Variants in GNG7 observed in about 807,000 individuals in gnomAD.
GNG7 encodes G protein subunit gamma 7, also known as guanine nucleotide-binding protein G(I)/G(S)/G(O) subunit gamma-7.
GNG7 carries 1 observed loss-of-function variant against 4.0 expected under a neutral mutation model. That is an observed-to-expected ratio of 0.25 (90% confidence interval 0.09 to 1.18). The LOEUF is 1.18. Among genes scored for constraint, GNG7 ranks in the 50% most tolerant of loss-of-function variants. GNG7 has a pLI of 0.50. For missense variants in GNG7, 86 were observed against 91.9 expected (o/e 0.94, Z 0.26); for synonymous variants, 34 against 36.9 (o/e 0.92, Z 0.29).
intron 3 of GNG7, among the ~76,000 whole-genome samples, chr19:2,529,721 C>T (rs1978524949): frequency 6.6e-6 from 1 of 152,188 alleles, no homozygotes; most frequent in Non-Finnish European, 1.5e-5. Context: ...TGAGTTGCAT[C>T]AGCCTCTTGC....
In GNG7 at chr19:2,512,361, A is replaced by G; in HGVS notation, c.*2661T>C. ...CACTGAAGTCTACTCAAGAAAAAAA[A>G]AAGTGGAGAATTTTTTTTTTAATCC... On this transcript the variant is annotated 3_prime_UTR_variant, in exon 5 of 5. Coordinates refer to ENST00000382159, the MANE Select transcript of GNG7 (RefSeq NM_052847.3). The surrounding 1 kb of genome is among the most constrained non-coding windows in gnomAD (Gnocchi z 4.7). 1.0e-6 allele frequency: 1 copy of G among 985,684 alleles called. No individual in the cohort carries two copies. The allele number at this position is 985,684 out of a possible 1,614,324, so 61.1% of individuals were successfully genotyped here.
At chr19:2,569,762 A>G (rs1024116300) in intron 2 of GNG7, among the ~76,000 whole-genome samples, 1 of 152,162 alleles carries the variant, frequency 6.6e-6, no homozygotes, top group Non-Finnish European at 1.5e-5. Context: ...GAGCATCCCC[A>G]TCGGGACAAC....
At chr19:2,638,515 G>A (rs1360340360) in intron 2 of GNG7, among the ~76,000 whole-genome samples, 2 of 24,518 alleles carry the variant, frequency 8.2e-5, no homozygotes, top group East Asian at 2.7e-3. Flanking sequence ...GAAGGGGAGG[G>A]GAGGGGAAGG....
In GNG7 at chr19:2,602,151, A is replaced by G. The variant is rs371171965; in HGVS notation, c.-78+44073T>C. 2.0e-5 allele frequency among the ~76,000 whole-genome samples: 3 copies of G among 152,184 alleles called. No homozygotes were observed. In the East Asian group the frequency reaches 5.8e-4, roughly 30 times the overall value. The stretch of plus-strand genomic sequence containing the variant: ...CAGGAGTTCGAGACCAGCCTGGCCA[A>G]CATGGTGAAACCCCGTCTCTACTAA... On this transcript the variant is annotated intron_variant, in intron 2 of 4. Transcript: ENST00000382159.
rs560465539 is a variant in GNG7 at position 2,541,657 on chromosome 19, G to A, written c.-38+13492C>T. Among the ~76,000 whole-genome samples the A allele has an allele frequency of 1.2e-3, 183 of 149,538 alleles. 1 individual carries two copies. Among genetic ancestry groups the A allele is most frequent in the African/African-American group, 3.0e-3 (120 of 40,554 alleles). On this transcript the variant is annotated intron_variant, in intron 3 of 4. Transcript: ENST00000382159. ...CTCAGGAGGCTGAGGCAGGAGAATC[G>A]CTTGAACCTGGGAGGCGGAGGTTGC... is the stretch of plus-strand genomic sequence containing the variant.
intron 2 of GNG7, among the ~76,000 whole-genome samples, chr19:2,594,629 A>T (rs1980960842): frequency 6.6e-6 from 1 of 152,048 alleles, no homozygotes; most frequent in Admixed American, 6.6e-5. Context: ...ATTTCACACA[A>T]ATTCAAGACA....
chr19:2,549,296 T>TG (rs1419320584), intron 3 of GNG7, among the ~76,000 whole-genome samples: 4 of 150,158 alleles, frequency 2.7e-5, no homozygotes, highest in Non-Finnish European at 4.4e-5. Context: ...GGGCTGTGTT[T>TG]TTTTTTTTTT....
chr19:2,535,034 G>C (rs1209212500), intron 3 of GNG7, among the ~76,000 whole-genome samples: 1 of 152,128 alleles, frequency 6.6e-6, no homozygotes, highest in Non-Finnish European at 1.5e-5. Context: ...GCACCCCATG[G>C]ACCAGTCAAG....
chr19:2,535,770 A>G (rs2144741308), intron 3 of GNG7, among the ~76,000 whole-genome samples: 1 of 152,310 alleles, frequency 6.6e-6, no homozygotes, highest in South Asian at 2.1e-4. Context: ...TCGGAAAGTC[A>G]TATGGGCTGT....
At chr19:2,673,288 C>CA (rs1198125183) in intron 1 of GNG7, among the ~76,000 whole-genome samples, 119 of 136,954 alleles carry the variant, frequency 8.7e-4, no homozygotes, top group African/African-American at 2.4e-3. Context: ...CAAAACAAAA[C>CA]AAAAAAAAAC....
intron 4 of GNG7, among the ~76,000 whole-genome samples, chr19:2,519,190 C>T (rs1390098063): frequency 4.3e-5 from 5 of 116,480 alleles, no homozygotes; most frequent in Admixed American, 1.2e-4. Flanking sequence ...TCGCTCTGTT[C>T]CCCAGGCTGG....
At chr19:2,694,032 G>A (rs1170911234) in intron 1 of GNG7, among the ~76,000 whole-genome samples, 3 of 152,020 alleles carry the variant, frequency 2.0e-5, no homozygotes, top group Middle Eastern at 3.2e-3. Context: ...ACCTTGAAAC[G>A]GCAATGTCTC....
In GNG7 at chr19:2,656,404, C is replaced by A. The variant is rs568797389; in HGVS notation, c.-134-10124G>T. ...GGATCACAAGGTTAGGAGTTCAAGA[C>A]CAGCCTGGCCAACATGGCGAAACCC... On this transcript the variant is annotated intron_variant, in intron 1 of 4. Coordinates refer to ENST00000382159, the MANE Select transcript of GNG7 (RefSeq NM_052847.3). Among the ~76,000 whole-genome samples, 284 of 152,290 alleles carry A rather than the reference C, an allele frequency of 1.9e-3. 1 individual carries two copies. The highest frequency in any genetic ancestry group is 6.5e-3 in the African/African-American group (270 of 41,554).
intron 2 of GNG7, among the ~76,000 whole-genome samples, chr19:2,599,901 C>A (rs184949609): frequency 1.3e-5 from 2 of 150,154 alleles, no homozygotes; most frequent in East Asian, 3.9e-4. Context: ...GGCGCCACCG[C>A]ACTCCAGCCT....
At position 2,557,207 on chromosome 19, in the gene GNG7, G is replaced by C. The variant is rs1568242427; in HGVS notation, c.-77-2019C>G. The stretch of plus-strand genomic sequence containing the variant: ...AAGACACGTGCACACACATTTGCAT[G>C]CACACACAGACACACATGCACACAC... On this transcript the variant is annotated intron_variant, in intron 2 of 4. Coordinates refer to ENST00000382159, the MANE Select transcript of GNG7 (RefSeq NM_052847.3). This position sits in a 1 kb window ranked among gnomAD's most constrained non-coding sequence, Gnocchi z 5.1. Among the ~76,000 whole-genome samples the C allele has an allele frequency of 6.7e-6, 1 of 150,092 alleles. No individual in the cohort carries two copies. Among genetic ancestry groups the C allele is most frequent in the Admixed American group, 6.6e-5 (1 of 15,088 alleles).
rs1391536944 is a variant in GNG7 at position 2,657,350 on chromosome 19, AAAAAAAAAAAAATATATATATAT to A, written c.-134-11093_-134-11071del. Among the ~76,000 whole-genome samples the A allele has an allele frequency of 1.9e-3, 49 of 25,266 alleles. 3 individuals are homozygous for A. Among genetic ancestry groups the A allele is most frequent in the African/African-American group, 3.6e-3 (37 of 10,344 alleles). The allele number at this position is 25,266 out of a possible 152,430, so 16.6% of individuals were successfully genotyped here. ...CCCCGTCTCAATTAAAAAAAAAAAA[AAAAAAAAAAAAATATATATATAT>A]ATATATATATATATATATATATATA... On this transcript the variant is annotated intron_variant, in intron 1 of 4. Transcript: ENST00000382159.
At chr19:2,541,450 C>G (rs1159126649) in intron 3 of GNG7, among the ~76,000 whole-genome samples, 1 of 149,894 alleles carries the variant, frequency 6.7e-6, no homozygotes, top group Non-Finnish European at 1.5e-5. Flanking sequence ...GTAAAAAAAT[C>G]AAGGCCGGGG....
intron 2 of GNG7, among the ~76,000 whole-genome samples, chr19:2,639,586 G>GGAAGGAATGGGGTGT (rs71179903): frequency 6.7e-5 from 10 of 149,700 alleles, no homozygotes; most frequent in Non-Finnish European, 7.4e-5. Flanking sequence ...GATGTCAAAT[G>GGAAGGAATGGGGTGT]TAGATGGCAG....
chr19:2,624,542 A>AG (rs1009629650), intron 2 of GNG7, among the ~76,000 whole-genome samples: 12 of 151,800 alleles, frequency 7.9e-5, no homozygotes, highest in African/African-American at 2.9e-4. Flanking sequence ...AAAAAAAAAA[A>AG]AAAAGAAAAA....
Sources: gnomAD v4.1 joint callset for allele counts (sites outside exome capture counted in the v4.1 genomes callset) on GRCh38, gnomAD v4.1.1 for gene constraint, Gnocchi (gnomAD v3.1) non-coding constraint, MANE v1.5 for transcripts, NCBI Gene and HGNC (gene_info 2026-07-23, HGNC 2026-07-21) for gene names.